The following ZFP62 variants were observed in gnomAD, a reference collection of about 807,000 sequenced individuals.
The protein encoded by ZFP62 is zinc finger protein 62 homolog.
A neutral mutation model predicts 56.4 loss-of-function variants in ZFP62; 44 were observed. That is an observed-to-expected ratio of 0.78 (90% CI 0.61 to 1.00). The LOEUF is 1.00. Ranked by LOEUF, ZFP62 falls within the 50% of genes least tolerant of loss-of-function variation. The pLI, the probability that ZFP62 is intolerant of heterozygous loss-of-function variation, is 0.00. For synonymous variants in ZFP62, 421 were observed against 388.9 expected (o/e 1.08, Z -0.97); for missense variants, 1,030 against 1,085.7 (o/e 0.95, Z 0.72).
the ZFP62 span, among the ~76,000 whole-genome samples, chr5:180,828,847 G>A: frequency 6.6e-6 from 1 of 152,194 alleles, no homozygotes; most frequent in Non-Finnish European, 1.5e-5. Context: ...GGAAGATATT[G>A]CTGAATTCTT....
chr5:180,833,257 G>A, the ZFP62 span, among the ~76,000 whole-genome samples: 1 of 152,016 alleles, frequency 6.6e-6, no homozygotes, highest in Non-Finnish European at 1.5e-5. Context: ...GAGGTGGGCG[G>A]ATCACGAGGT....
intron 1 of ZFP62, among the ~76,000 whole-genome samples, chr5:180,853,389 C>T (rs561208369): frequency 5.9e-5 from 9 of 152,026 alleles, no homozygotes; most frequent in Non-Finnish European, 8.8e-5. Flanking sequence ...TTTATAGCAA[C>T]GATAAACCAG....
chr5:180,847,605 A>T, downstream of ZFP62: 2 of 985,414 alleles, frequency 2.0e-6, no homozygotes, highest in Non-Finnish European at 2.4e-6. Flanking sequence ...CTAAACTCAC[A>T]GCCCGTTTTG....
intron 1 of ZFP62, 111 bp from the exon 2 acceptor site, chr5:180,851,604 C>T: frequency 1.6e-6 from 2 of 1,229,732 alleles, no homozygotes; most frequent in Non-Finnish European, 2.2e-6. Flanking sequence ...TGACAACATA[C>T]TGTGTGACAG....
At chr5:180,859,303 C>T (rs1240463761) in intron 1 of ZFP62, among the ~76,000 whole-genome samples, 2 of 152,064 alleles carry the variant, frequency 1.3e-5, no homozygotes, top group African/African-American at 4.8e-5. Context: ...AGAAAGGAAA[C>T]AAGACAAGAG....
the ZFP62 span, among the ~76,000 whole-genome samples, chr5:180,837,012 G>A: frequency 8.7e-4 from 132 of 152,326 alleles, no homozygotes; most frequent in African/African-American, 2.8e-3. Context: ...AGCCACCTGA[G>A]AGCCAGGTCC....
At chr5:180,827,812 C>T in the ZFP62 span, among the ~76,000 whole-genome samples, 26 of 152,344 alleles carry the variant, frequency 1.7e-4, no homozygotes, top group East Asian at 4.1e-3. Context: ...ACCCAATTTA[C>T]GTTCCATCTA....
At chr5:180,858,483 G>A (rs1231997740) in intron 1 of ZFP62, among the ~76,000 whole-genome samples, 1 of 151,774 alleles carries the variant, frequency 6.6e-6, no homozygotes, top group Non-Finnish European at 1.5e-5. Flanking sequence ...CACACCTGTA[G>A]TTCCAGCTAC....
At chr5:180,833,871 G>C in the ZFP62 span, among the ~76,000 whole-genome samples, 1 of 151,992 alleles carries the variant, frequency 6.6e-6, no homozygotes, top group African/African-American at 2.4e-5. Context: ...GGGTTTCACC[G>C]TGTTAGCCAG....
the ZFP62 span, among the ~76,000 whole-genome samples, chr5:180,836,767 G>A: frequency 6.6e-6 from 1 of 152,208 alleles, no homozygotes; most frequent in Admixed American, 6.5e-5. Context: ...GAGCCACGGG[G>A]GCTGGATAGT....
At chr5:180,844,799 T>G (rs1002431037), downstream of ZFP62, among the ~76,000 whole-genome samples, 9 of 152,226 alleles carry the variant, frequency 5.9e-5, no homozygotes, top group Non-Finnish European at 8.8e-5. Context: ...AAGTTTTGTC[T>G]GAGTAGGGGG....
At chr5:180,858,196 G>C (rs1211587689) in intron 1 of ZFP62, among the ~76,000 whole-genome samples, 32 of 137,150 alleles carry the variant, frequency 2.3e-4, no homozygotes, top group African/African-American at 8.8e-4. Flanking sequence ...GGTGGAGGTT[G>C]CAGTAAGCTG....
the ZFP62 span, among the ~76,000 whole-genome samples, chr5:180,837,292 T>G: frequency 6.6e-6 from 1 of 152,242 alleles, no homozygotes; most frequent in South Asian, 2.1e-4. Flanking sequence ...ATACAATGGC[T>G]TATTCACTGC....
At chr5:180,839,837 C>A in the ZFP62 span, among the ~76,000 whole-genome samples, 8 of 152,264 alleles carry the variant, frequency 5.3e-5, no homozygotes, top group East Asian at 5.8e-4. Flanking sequence ...CCTCCTACCC[C>A]CTTAAGAACT....
At position 180,850,445 on chromosome 5, in the gene ZFP62, A is replaced by G. The variant is rs545594795; in HGVS notation, c.1050T>C (p.Ser350=). 260 of 1,553,536 alleles carry G rather than the reference A, an allele frequency of 1.7e-4. No individual in the cohort carries two copies. The highest frequency in any genetic ancestry group is 3.1e-4 in the Admixed American group (16 of 51,068). The change falls in exon 2 of 2, where the codon TCT becomes TCC. Residue 350 remains serine, a synonymous_variant. Transcript: ENST00000502412. The part of the protein sequence containing the change: ...DECEKSFNYS[S]LLIQHKVIHT... ...GGATGACTTTATGCTGAATGAGAAGAGAGCTATAATTAAAAGATTTCTCAC... is the reference window on the plus strand; with the variant it reads ...GGATGACTTTATGCTGAATGAGAAGGGAGCTATAATTAAAAGATTTCTCAC...
intron 1 of ZFP62, among the ~76,000 whole-genome samples, chr5:180,856,335 A>G (rs568567372): frequency 3.9e-5 from 6 of 152,362 alleles, no homozygotes; most frequent in South Asian, 2.1e-4. Flanking sequence ...ATGTTAATCA[A>G]TACTAAGATC....
chr5:180,859,437 T>C (rs1193699120), intron 1 of ZFP62, among the ~76,000 whole-genome samples: 8 of 152,222 alleles, frequency 5.3e-5, no homozygotes, highest in Admixed American at 5.2e-4. Context: ...ATGGTTTGTG[T>C]TCTAGCTACT....
At chr5:180,860,641 G>T (rs1172002220) in intron 1 of ZFP62, 1 of 141,366 alleles carries the variant, frequency 7.1e-6, no homozygotes, top group African/African-American at 2.6e-5. Flanking sequence ...CACCTCCGGG[G>T]TCTCTATTCA....
At position 180,848,331 on chromosome 5, in the gene ZFP62, C is replaced by T. The variant is rs1773491477; in HGVS notation, c.*461G>A. The T allele has an allele frequency of 1.0e-6, 1 of 987,064 alleles. No individual in the cohort carries two copies. The highest frequency in any genetic ancestry group is 1.7e-5 in the African/African-American group (1 of 57,406). 61.1% of individuals were successfully genotyped at this position (987,064 alleles called of 1,614,324 possible). On this transcript the variant is annotated 3_prime_UTR_variant, in exon 2 of 2. Coordinates refer to ENST00000502412, the MANE Select transcript of ZFP62 (RefSeq NM_001172638.2). ...ATTTATATTCCCTGAAACCTATCCT[C>T]CCTGAATTTGCCTGTTGGAGGCCCT...
Sources: allele counts gnomAD v4.1 joint callset (sites outside exome capture counted in the v4.1 genomes callset), GRCh38; gene constraint gnomAD v4.1.1; transcripts MANE v1.5; gene names NCBI Gene and HGNC (gene_info 2026-07-23, HGNC 2026-07-21).